Variants in GABRG1 observed in about 807,000 individuals in gnomAD.
The protein encoded by GABRG1 is gamma-aminobutyric acid receptor subunit gamma-1.
GABRG1 carries 49 observed loss-of-function variants against 49.8 expected under a neutral mutation model. The observed-to-expected ratio is 0.98, with a 90% CI of 0.78 to 1.25. GABRG1 has a LOEUF of 1.25. GABRG1 is among the 50% of genes most tolerant of loss of function. The pLI, the probability that GABRG1 is intolerant of heterozygous loss-of-function variation, is 0.00. For missense variants in GABRG1, 552 were observed against 552.3 expected, an observed-to-expected ratio of 1.00 and a Z score of 0.01; for synonymous variants, 232 against 185.1, an observed-to-expected ratio of 1.25 and a Z score of -2.06.
At chr4:46,123,707 A>G in intron 1 of GABRG1, 103 bp downstream of exon 1, 2 of 753,804 alleles carry the variant, frequency 2.7e-6, no homozygotes, top group South Asian at 3.4e-5. Context: ...GTGTTAGGAA[A>G]TGCAAATTAA....
rs140719654 is a variant in GABRG1, at chr4:46,041,145, C to T, written c.1241G>A (p.Ser414Asn). 1,874 of 1,613,208 alleles carry T rather than the reference C, an allele frequency of 1.2e-3. No homozygotes were observed. The highest frequency in any genetic ancestry group is 1.5e-3 in the Non-Finnish European group (1,724 of 1,179,422). Reference protein sequence around the residue: ...YQCLEGKDCASFFCCFEDCRT... With the variant: ...YQCLEGKDCANFFCCFEDCRT... ...GCAGTCTTCAAAGCAACAGAAGAAGCTGGCACAATCTTTGCCCTCCAAACA... is the reference window on the plus strand; with the variant it reads ...GCAGTCTTCAAAGCAACAGAAGAAGTTGGCACAATCTTTGCCCTCCAAACA... Residue 414 changes from serine (S) to asparagine (N), a missense_variant, in exon 9 of 9, where the codon AGC becomes AAC. By Grantham distance (46) the Ser-to-Asn change is conservative. Coordinates refer to ENST00000295452, the MANE Select transcript of GABRG1 (RefSeq NM_173536.4).
chr4:46,050,971 G>A (rs1718193878), intron 8 of GABRG1, among the ~76,000 whole-genome samples: 1 of 151,778 alleles, frequency 6.6e-6, no homozygotes, highest in Admixed American at 6.6e-5. Flanking sequence ...GTAATTATAT[G>A]ATTGAGATGG....
At chr4:46,088,379 A>G (rs143049609) in intron 2 of GABRG1, among the ~76,000 whole-genome samples, 1 of 152,178 alleles carries the variant, frequency 6.6e-6, no homozygotes, top group African/African-American at 2.4e-5. Flanking sequence ...TTTACACATA[A>G]ACACAAAATA....
intron 1 of GABRG1, among the ~76,000 whole-genome samples, chr4:46,101,325 T>C (rs945116653): frequency 6.6e-6 from 1 of 151,620 alleles, no homozygotes; most frequent in South Asian, 2.1e-4. Context: ...CATATACCTT[T>C]ATTGAATAAT....
At chr4:46,083,020 A>G (rs1274363203) in intron 3 of GABRG1, among the ~76,000 whole-genome samples, 1 of 151,658 alleles carries the variant, frequency 6.6e-6, no homozygotes, top group Non-Finnish European at 1.5e-5. Context: ...TAGCAAATCT[A>G]TAAGGCAAAA....
chr4:46,076,641 A>G (rs970666048), intron 3 of GABRG1, among the ~76,000 whole-genome samples: 1 of 151,542 alleles, frequency 6.6e-6, no homozygotes, highest in Admixed American at 6.6e-5. Context: ...GCTGAAGCAA[A>G]CTAGACATTC....
At chr4:46,121,082 A>T (rs1299247759) in intron 1 of GABRG1, among the ~76,000 whole-genome samples, 1 of 151,824 alleles carries the variant, frequency 6.6e-6, no homozygotes, top group African/African-American at 2.4e-5. Flanking sequence ...TAGTTCAGCA[A>T]TAAAAAATAA....
At chr4:46,085,731 C>T (rs1719731589) in intron 2 of GABRG1, among the ~76,000 whole-genome samples, 1 of 151,400 alleles carries the variant, frequency 6.6e-6, no homozygotes, top group African/African-American at 2.4e-5. Context: ...CTCATTGTTG[C>T]TTTGATTCAT....
intron 3 of GABRG1, among the ~76,000 whole-genome samples, chr4:46,082,627 A>G (rs1001990931): frequency 6.6e-6 from 1 of 151,830 alleles, no homozygotes; most frequent in Non-Finnish European, 1.5e-5. Context: ...AAAGCTAATC[A>G]ACACCACCTA....
intron 1 of GABRG1, among the ~76,000 whole-genome samples, chr4:46,106,598 A>G (rs2109437620): frequency 6.6e-6 from 1 of 151,560 alleles, no homozygotes; most frequent in East Asian, 2.0e-4. Flanking sequence ...CTTGAACACA[A>G]TGAATGCTTG....
intron 1 of GABRG1, among the ~76,000 whole-genome samples, chr4:46,097,737 A>C (rs1403025235): frequency 1.3e-5 from 2 of 151,682 alleles, no homozygotes; most frequent in Non-Finnish European, 3.0e-5. Flanking sequence ...TAAAAGGTAA[A>C]GAATTACAGG....
chr4:46,118,067 T>A (rs1240240594), intron 1 of GABRG1, among the ~76,000 whole-genome samples: 2 of 132,292 alleles, frequency 1.5e-5, no homozygotes, highest in Admixed American at 7.3e-5. Context: ...TGTATACATA[T>A]GTGTGTGTAT....
At chr4:46,061,453 A>G (rs1239720590) in intron 5 of GABRG1, among the ~76,000 whole-genome samples, 1 of 152,146 alleles carries the variant, frequency 6.6e-6, no homozygotes, top group East Asian at 1.9e-4. Flanking sequence ...ATCTGTGAAA[A>G]CAATAAATTT....
At chr4:46,065,660 G>C (rs1718888225) in intron 3 of GABRG1, 76 bp from the exon 4 acceptor site, 1 of 703,886 alleles carries the variant, frequency 1.4e-6, no homozygotes, top group African/African-American at 1.8e-5. Flanking sequence ...TTGAATTTTT[G>C]TATTGTAAAG....
chr4:46,104,902 A>G (rs1720485300), intron 1 of GABRG1, among the ~76,000 whole-genome samples: 1 of 151,470 alleles, frequency 6.6e-6, no homozygotes, highest in African/African-American at 2.4e-5. Context: ...ATCCTTACAA[A>G]TCTTTGAGCC....
Position 46,058,320 on chromosome 4 carries a change from T to A in GABRG1, c.813A>T (p.Gly271=), listed in dbSNP as rs1175880844. 1.2e-6 allele frequency: 2 copies of A among 1,613,244 alleles called. No individual in the cohort carries two copies. Among genetic ancestry groups the A allele is most frequent in the South Asian group, 2.2e-5 (2 of 91,000 alleles). ...TIFFDLSRRM[G]YFTIQTYIPC... ...GAATGTAGGTCTGAATAGTGAAATA[T>A]CCCATTCTTCTGCTCAGGTCAAAAA... The change falls in exon 7 of 9, where the codon GGA becomes GGT. Residue 271 remains glycine, a synonymous_variant. Coordinates refer to ENST00000295452, the MANE Select transcript of GABRG1 (RefSeq NM_173536.4).
At chr4:46,123,757 AG>A (rs1721167987) in intron 1 of GABRG1, 52 bp downstream of exon 1, 2 of 1,277,422 alleles carry the variant, frequency 1.6e-6, no homozygotes, top group South Asian at 2.5e-5. Context: ...AAGGGGAATA[AG>A]GGGAAAGGGG....
intron 4 of GABRG1, 122 bp downstream of exon 4, chr4:46,065,242 G>C: frequency 1.7e-6 from 1 of 593,776 alleles, no homozygotes; most frequent in Non-Finnish European, 2.9e-6. Context: ...TTATATTTTA[G>C]CATGTGAAAG....
chr4:46,100,706 A>G (rs1414900816), intron 1 of GABRG1, among the ~76,000 whole-genome samples: 5 of 40,978 alleles, frequency 1.2e-4, no homozygotes, highest in Non-Finnish European at 2.4e-4. Flanking sequence ...GGAAGATTTT[A>G]GAAAAAAAAA....
Sources: gnomAD v4.1 joint callset for allele counts (sites outside exome capture counted in the v4.1 genomes callset) on GRCh38, gnomAD v4.1.1 for gene constraint, MANE v1.5 for transcripts, NCBI Gene and HGNC (gene_info 2026-07-23, HGNC 2026-07-21) for gene names.